Variants in MICU3 observed in about 807,000 individuals in gnomAD.
MICU3 encodes calcium uptake protein 3, mitochondrial.
MICU3 carries 62 observed loss-of-function variants against 66.5 expected under a neutral mutation model. The ratio of observed to expected loss-of-function variants is 0.93; its 90% CI spans 0.76 to 1.15. MICU3 has a LOEUF of 1.15. Ranked by LOEUF, MICU3 falls within the 50% of genes most tolerant of loss-of-function variation. The pLI, the probability that MICU3 is intolerant of heterozygous loss-of-function variation, is 0.00. For missense variants in MICU3, 779 were observed against 664.4 expected (o/e 1.17, Z -1.90); for synonymous variants, 308 against 240.7 (o/e 1.28, Z -2.59).
chr8:17,032,255 A>G (rs1223794381), intron 1 of MICU3, among the ~76,000 whole-genome samples: 1 of 152,218 alleles, frequency 6.6e-6, no homozygotes, highest in African/African-American at 2.4e-5. Context: ...TTTTTTAGCA[A>G]ACTATGGCTT....
At chr8:17,053,151 C>G (rs1816376544) in intron 1 of MICU3, among the ~76,000 whole-genome samples, 2 of 152,022 alleles carry the variant, frequency 1.3e-5, no homozygotes, top group African/African-American at 4.8e-5. Flanking sequence ...TTTCATTGTT[C>G]ATTCTCATTT....
chr8:17,112,057 C>T (rs934863135), intron 11 of MICU3, among the ~76,000 whole-genome samples: 4 of 146,830 alleles, frequency 2.7e-5, no homozygotes, highest in Admixed American at 2.0e-4. Flanking sequence ...ACGAGAACAG[C>T]ATGGGGTGAA....
Position 17,066,603 on chromosome 8 carries a change from C to T in MICU3, c.535+2366C>T, listed in dbSNP as rs534319901. ...TGTCCCCCGGGCTGGAGTTCAGTGA[C>T]GTGATCACTACTCACTACAACCTCA... On this transcript the variant is annotated intron_variant, in intron 2 of 14. Coordinates refer to ENST00000318063, the MANE Select transcript of MICU3 (RefSeq NM_181723.3). Among the ~76,000 whole-genome samples, 10 of 140,672 alleles carry T rather than the reference C, an allele frequency of 7.1e-5. No individual in the cohort carries two copies. The South Asian group carries it at 1.3e-3, about 19-fold the overall frequency. The allele number at this position is 140,672 out of a possible 152,430, so 92.3% of individuals were successfully genotyped here. A position where few individuals can be genotyped will look rare whatever the true frequency, so the allele number is the denominator to read the frequency against.
At chr8:17,099,444 A>G (rs534468574) in intron 9 of MICU3, among the ~76,000 whole-genome samples, 40 of 151,916 alleles carry the variant, frequency 2.6e-4, no homozygotes, top group African/African-American at 8.7e-4. Context: ...TCTGTTATCC[A>G]TATATACAAT....
At chr8:17,118,117 T>A (rs1802859712) in intron 13 of MICU3, among the ~76,000 whole-genome samples, 1 of 152,156 alleles carries the variant, frequency 6.6e-6, no homozygotes, top group Non-Finnish European at 1.5e-5. Context: ...AATCGTTTAT[T>A]TTGCCTCAAA....
chr8:17,109,038 T>C (rs1430728969), intron 11 of MICU3, among the ~76,000 whole-genome samples: 1 of 152,160 alleles, frequency 6.6e-6, no homozygotes, highest in Non-Finnish European at 1.5e-5. Context: ...TTCTCAATGA[T>C]GCCTACCCTT....
chr8:17,043,897 G>T (rs1814632219), intron 1 of MICU3, among the ~76,000 whole-genome samples: 1 of 152,176 alleles, frequency 6.6e-6, no homozygotes. Flanking sequence ...AATTTTGTGA[G>T]TTATAAGTAC....
chr8:17,070,004 A>C (rs1819310223), intron 3 of MICU3, among the ~76,000 whole-genome samples: 1 of 152,030 alleles, frequency 6.6e-6, no homozygotes, highest in Non-Finnish European at 1.5e-5. Flanking sequence ...AAAATTGGCG[A>C]TATGCCTACC....
At chr8:17,135,184 A>G in the MICU3 span, among the ~76,000 whole-genome samples, 3 of 152,292 alleles carry the variant, frequency 2.0e-5, no homozygotes, top group African/African-American at 2.4e-5. Flanking sequence ...GTGGACCACA[A>G]GGTCAGGAGT....
At chr8:17,086,932 G>C in intron 6 of MICU3, 32 bp from the exon 7 acceptor site, 1 of 1,459,022 alleles carries the variant, frequency 6.9e-7, no homozygotes, top group Non-Finnish European at 9.6e-7. Flanking sequence ...ACTCTTGTTG[G>C]ATATTTGATT....
At chr8:17,063,166 C>G (rs1487713234) in intron 1 of MICU3, among the ~76,000 whole-genome samples, 2 of 151,928 alleles carry the variant, frequency 1.3e-5, no homozygotes, top group Non-Finnish European at 2.9e-5. Context: ...ATTTTCTTTG[C>G]CAAAAGAAAG....
At chr8:17,092,323 C>T (rs145421537) in intron 8 of MICU3, among the ~76,000 whole-genome samples, 161 of 151,622 alleles carry the variant, frequency 1.1e-3, no homozygotes, top group African/African-American at 3.7e-3. Flanking sequence ...CTCAGAATAA[C>T]GTTGCTAAAA....
At chr8:17,077,138 A>G (rs1820497411) in intron 3 of MICU3, among the ~76,000 whole-genome samples, 1 of 152,218 alleles carries the variant, frequency 6.6e-6, no homozygotes, top group Non-Finnish European at 1.5e-5. Context: ...TTTAAAAAAG[A>G]AAAAGCTAAG....
At chr8:17,138,242 G>A in the MICU3 span, among the ~76,000 whole-genome samples, 3 of 152,052 alleles carry the variant, frequency 2.0e-5, no homozygotes, top group African/African-American at 7.2e-5. Context: ...AAAGAGGTTT[G>A]CATTAAAAAG....
At chr8:17,113,141 G>A (rs1214402723) in intron 11 of MICU3, among the ~76,000 whole-genome samples, 1 of 152,196 alleles carries the variant, frequency 6.6e-6, no homozygotes, top group African/African-American at 2.4e-5. Context: ...GATCTAATCA[G>A]TAGCTGGCTT....
Position 17,118,734 on chromosome 8 carries a change from A to G in MICU3, c.1552A>G (p.Thr518Ala). The G allele has an allele frequency of 1.2e-6, 2 of 1,612,614 alleles. No homozygotes were observed. Among genetic ancestry groups the G allele is most frequent in the African/African-American group, 1.3e-5 (1 of 75,020 alleles). ...TTATAAAACAGTCCAGAAGTACCCCACTTTCAAATCCTGCCTGAAGAAAGA... is the reference window on the plus strand; with the variant it reads ...TTATAAAACAGTCCAGAAGTACCCCGCTTTCAAATCCTGCCTGAAGAAAGA... ...RGYKTVQKYPTFKSCLKKELH... is the reference protein window; with the variant it reads ...RGYKTVQKYPAFKSCLKKELH... Residue 518 changes from threonine to alanine, a missense_variant, in exon 14 of 15, where the codon ACT (threonine) becomes GCT (alanine). By Grantham distance (58) the Thr-to-Ala change is moderately conservative. Coordinates refer to ENST00000318063, the MANE Select transcript of MICU3 (RefSeq NM_181723.3).
chr8:17,110,696 T>G (rs1290856397), intron 11 of MICU3, among the ~76,000 whole-genome samples: 1 of 151,834 alleles, frequency 6.6e-6, no homozygotes, highest in African/African-American at 2.4e-5. Flanking sequence ...CCCAGGGAGC[T>G]GGGACTATAG....
intron 14 of MICU3, among the ~76,000 whole-genome samples, chr8:17,119,833 G>A (rs534969462): frequency 1.2e-4 from 19 of 152,204 alleles, no homozygotes; most frequent in African/African-American, 4.3e-4. Context: ...AATGTTTAGA[G>A]GCAAGCAGGC....
chr8:17,027,301 T>C lies in MICU3; in HGVS notation c.22T>C (p.Leu8=), dbSNP rs1421118722. Residue 8 remains leucine (L), a synonymous_variant, in exon 1 of 15, where the codon TTG becomes CTG. Transcript: ENST00000318063. ...CGCTATGGCTGCGCTGCGAAGGCTC[T>C]TGTGGCCGCCACCCCGGGTGTCTCC... The part of the protein sequence containing the change: MAALRRL[L]WPPPRVSPPL... The C allele has an allele frequency of 1.5e-5, 20 of 1,347,952 alleles. No homozygotes were observed. The highest frequency in any genetic ancestry group is 1.8e-5 in the Non-Finnish European group (19 of 1,035,658). The allele number at this position is 1,347,952 out of a possible 1,614,324, so 83.5% of individuals were successfully genotyped here.
Sources: allele counts gnomAD v4.1 joint callset (sites outside exome capture counted in the v4.1 genomes callset), GRCh38; gene constraint gnomAD v4.1.1; transcripts MANE v1.5; gene names NCBI Gene and HGNC (gene_info 2026-07-23, HGNC 2026-07-21).